FSTL5: variants seen among roughly 807,000 people sequenced by gnomAD.
FSTL5 encodes the protein follistatin-related protein 5.
Under a neutral mutation model 89.1 loss-of-function variants are expected in FSTL5, and 62 were observed. That is an observed-to-expected ratio of 0.70 (90% CI 0.57 to 0.86). The LOEUF (loss-of-function observed/expected upper bound fraction) is 0.86, where lower values mean the gene tolerates loss of function less well. Among genes scored for constraint, FSTL5 ranks in the 40% least tolerant of loss-of-function variants. The probability of loss-of-function intolerance (pLI) is 0.00; values close to 1 mark genes in which losing one functional copy is unlikely to be tolerated. For synonymous variants in FSTL5, 383 were observed against 346.2 expected (o/e 1.11, Z -1.18); for missense variants, 1,057 against 1,001.6 (o/e 1.06, Z -0.75).
intron 15 of FSTL5, among the ~76,000 whole-genome samples, chr4:161,450,104 G>A (rs2126389156): frequency 6.6e-6 from 1 of 152,178 alleles, no homozygotes. Flanking sequence ...GATTAATGAA[G>A]ATTTTTTGAG....
intron 4 of FSTL5, among the ~76,000 whole-genome samples, chr4:161,786,557 C>G (rs1491000926): frequency 6.6e-6 from 1 of 152,074 alleles, no homozygotes; most frequent in Non-Finnish European, 1.5e-5. Flanking sequence ...TTAATTCTTC[C>G]TAATTGTCCC....
chr4:161,971,778 C>T (rs17459206), intron 3 of FSTL5, among the ~76,000 whole-genome samples: 5,454 of 152,196 alleles, frequency 0.036, 131 homozygotes, highest in Non-Finnish European at 0.056. Context: ...AAAATCCAAA[C>T]AAACAATAGT....
intron 6 of FSTL5, among the ~76,000 whole-genome samples, chr4:161,692,060 T>G (rs1737960745): frequency 1.3e-5 from 2 of 152,100 alleles, no homozygotes; most frequent in East Asian, 1.9e-4. Flanking sequence ...TTATTTCCTT[T>G]TGTACGTTTT....
intron 3 of FSTL5, among the ~76,000 whole-genome samples, chr4:161,967,179 A>G (rs571495164): frequency 6.6e-6 from 1 of 152,162 alleles, no homozygotes; most frequent in African/African-American, 2.4e-5. Flanking sequence ...TACCTGAGAT[A>G]GTCACCTTGT....
intron 9 of FSTL5, among the ~76,000 whole-genome samples, chr4:161,541,871 T>C (rs912718109): frequency 6.6e-6 from 1 of 152,046 alleles, no homozygotes; most frequent in Admixed American, 6.6e-5. Context: ...ATATATTATA[T>C]GCAACTGCTT....
At chr4:161,427,984 T>C (rs1029549273) in intron 15 of FSTL5, among the ~76,000 whole-genome samples, 6 of 152,062 alleles carry the variant, frequency 3.9e-5, no homozygotes, top group African/African-American at 1.4e-4. Context: ...CTGAAGAGGA[T>C]AGAAAAGACA....
At chr4:161,953,411 A>T (rs766421653) in intron 3 of FSTL5, among the ~76,000 whole-genome samples, 4 of 151,630 alleles carry the variant, frequency 2.6e-5, no homozygotes, top group Non-Finnish European at 5.9e-5. Context: ...AGTTATGGTT[A>T]AATAACCTGG....
At chr4:161,943,513 G>C (rs962495616) in intron 3 of FSTL5, among the ~76,000 whole-genome samples, 5 of 90,602 alleles carry the variant, frequency 5.5e-5, no homozygotes, top group African/African-American at 2.0e-4. Context: ...TTTTTTATTG[G>C]ACTTTTACAT....
intron 4 of FSTL5, among the ~76,000 whole-genome samples, chr4:161,875,669 C>T (rs1413601729): frequency 2.6e-5 from 4 of 152,146 alleles, no homozygotes; most frequent in Non-Finnish European, 5.9e-5. Context: ...TTCATTCATT[C>T]TTTCTTTGCT....
chr4:161,792,201 G>A (rs539299891), intron 4 of FSTL5, among the ~76,000 whole-genome samples: 1 of 152,126 alleles, frequency 6.6e-6, no homozygotes, highest in East Asian at 1.9e-4. Context: ...AGATGGGTGT[G>A]CGCGTGTCCA....
At chr4:162,022,094 G>GAAA (rs763770404) in intron 3 of FSTL5, among the ~76,000 whole-genome samples, 2 of 122,054 alleles carry the variant, frequency 1.6e-5, no homozygotes. Flanking sequence ...CTGTCTCAGG[G>GAAA]AAAAAAAAAA....
At chr4:162,118,624 C>G (rs1199452622) in intron 1 of FSTL5, among the ~76,000 whole-genome samples, 1 of 152,166 alleles carries the variant, frequency 6.6e-6, no homozygotes, top group Non-Finnish European at 1.5e-5. Flanking sequence ...ACATTCTCCT[C>G]ATTAGAGAAT....
At chr4:161,452,958 A>C (rs535288559) in intron 15 of FSTL5, among the ~76,000 whole-genome samples, 1 of 152,304 alleles carries the variant, frequency 6.6e-6, no homozygotes, top group East Asian at 1.9e-4. Flanking sequence ...TTTTCAAATT[A>C]GTATTAGCTC....
chr4:161,834,972 C>T (rs2126865805), intron 4 of FSTL5, among the ~76,000 whole-genome samples: 1 of 146,414 alleles, frequency 6.8e-6, no homozygotes, highest in East Asian at 1.9e-4. Context: ...CATATGACAC[C>T]AAAAAAGAGC....
intron 13 of FSTL5, among the ~76,000 whole-genome samples, chr4:161,467,837 T>G (rs1364655318): frequency 6.6e-6 from 1 of 152,086 alleles, no homozygotes; most frequent in Non-Finnish European, 1.5e-5. Flanking sequence ...CTTAGGTAAA[T>G]TCAAAAATAG....
chr4:161,440,852 C>A (rs1199804865), intron 15 of FSTL5, among the ~76,000 whole-genome samples: 2 of 152,004 alleles, frequency 1.3e-5, no homozygotes, highest in African/African-American at 4.8e-5. Context: ...CCAGTGGCAC[C>A]CATTGAGCAT....
chr4:161,739,152 T>C (rs1018533600), intron 6 of FSTL5, among the ~76,000 whole-genome samples: 1 of 152,230 alleles, frequency 6.6e-6, no homozygotes, highest in Non-Finnish European at 1.5e-5. Context: ...GAATGTGTCC[T>C]TATTTAGAAC....
chr4:161,531,742 A>T lies in FSTL5; in HGVS notation c.1312+6424T>A, dbSNP rs1294858259. Among the ~76,000 whole-genome samples, 3 of 152,306 alleles carry T rather than the reference A, an allele frequency of 2.0e-5. No individual in the cohort carries two copies. The East Asian group carries it at 5.8e-4, about 29-fold the overall frequency. ...TGTTTTAAATGTTAAGAGAGATAAT[A>T]TTTAATATTTGAATGCATAAAAATG... On this transcript the variant is annotated intron_variant, in intron 10 of 15. Coordinates refer to ENST00000306100, the MANE Select transcript of FSTL5 (RefSeq NM_020116.5).
At chr4:161,884,386 T>A (rs1732735135) in intron 4 of FSTL5, among the ~76,000 whole-genome samples, 1 of 152,158 alleles carries the variant, frequency 6.6e-6, no homozygotes, top group Non-Finnish European at 1.5e-5. Context: ...TATACAAATA[T>A]AAGGAATTAA....
Sources: allele counts gnomAD v4.1 joint callset (sites outside exome capture counted in the v4.1 genomes callset), GRCh38; gene constraint gnomAD v4.1.1; transcripts MANE v1.5; gene names NCBI Gene and HGNC (gene_info 2026-07-23, HGNC 2026-07-21).